The following ROR2 variants were observed in gnomAD, a reference collection of about 807,000 sequenced individuals.
ROR2 encodes the protein tyrosine-protein kinase transmembrane receptor ROR2.
In ROR2, 33 loss-of-function variants were observed where a neutral mutation model predicts 74.9. The observed-to-expected ratio is 0.44, with a 90% CI of 0.33 to 0.59. The LOEUF (loss-of-function observed/expected upper bound fraction) is 0.59. Ranked by LOEUF, ROR2 falls within the 20% of genes least tolerant of loss-of-function variation. The pLI is 0.02. For missense variants in ROR2, 1,216 were observed against 1,313.8 expected, an observed-to-expected ratio of 0.93 and a Z score of 1.15; for synonymous variants, 586 against 558.7, an observed-to-expected ratio of 1.05 and a Z score of -0.69.
chr9:91,829,701 T>C (rs972853561), intron 1 of ROR2, among the ~76,000 whole-genome samples: 1 of 152,180 alleles, frequency 6.6e-6, no homozygotes, highest in Admixed American at 6.5e-5. Context: ...CACAGTCATA[T>C]TCTGGAACTG....
Position 91,757,365 on chromosome 9 carries a change from C to T in ROR2, c.370G>A (p.Asp124Asn), listed in dbSNP as rs779443497. ...TAGCCAGTGTCTGTCGTGTCCAGGT[C>T]CTGGATTCGCAGTCGTGAACCATAT... ...TEYGSRLRIQ[D>N]LDTTDTGYYQ... Residue 124 changes from aspartate to asparagine, a missense_variant, in exon 3 of 9, where the codon GAC becomes AAC. Asp to Asn is a conservative substitution (Grantham distance 23). Transcript: ENST00000375708. 1.2e-6 allele frequency: 2 copies of T among 1,613,892 alleles called. No individual in the cohort carries two copies. The highest frequency in any genetic ancestry group is 2.2e-5 in the South Asian group (2 of 91,048).
chr9:91,868,420 T>C (rs534722449), intron 1 of ROR2, among the ~76,000 whole-genome samples: 1 of 152,226 alleles, frequency 6.6e-6, no homozygotes, highest in Admixed American at 6.5e-5. Flanking sequence ...ACGAAGTGAC[T>C]AAGAACTTTA....
intron 1 of ROR2, among the ~76,000 whole-genome samples, chr9:91,826,633 A>T (rs1820847999): frequency 6.6e-6 from 1 of 152,008 alleles, no homozygotes; most frequent in Non-Finnish European, 1.5e-5. Flanking sequence ...TACAAAAAGA[A>T]ATTAGCCGGG....
intron 1 of ROR2, among the ~76,000 whole-genome samples, chr9:91,898,432 C>T (rs2119423227): frequency 6.6e-6 from 1 of 152,280 alleles, no homozygotes; most frequent in East Asian, 1.9e-4. Context: ...ACCCAAGATA[C>T]TAAATGATCT....
chr9:91,750,212 T>C (rs866066315), intron 4 of ROR2, among the ~76,000 whole-genome samples: 47 of 152,202 alleles, frequency 3.1e-4, no homozygotes, highest in African/African-American at 1.1e-3. Context: ...GAAAAACACA[T>C]ATCCTAACAG....
chr9:91,839,275 T>C (rs935029140), intron 1 of ROR2, among the ~76,000 whole-genome samples: 16 of 145,968 alleles, frequency 1.1e-4, no homozygotes, highest in African/African-American at 3.1e-4. Context: ...TGTGTGTGTG[T>C]GTGTGTGTGT....
intron 1 of ROR2, among the ~76,000 whole-genome samples, chr9:91,900,661 T>A (rs956081998): frequency 1.3e-5 from 2 of 152,152 alleles, no homozygotes; most frequent in Admixed American, 1.3e-4. Context: ...GTCGGTTCCA[T>A]GGACTGGGGG....
Position 91,805,812 on chromosome 9 carries a change from G to A in ROR2, c.98-29994C>T, listed in dbSNP as rs560957570. The stretch of plus-strand genomic sequence containing the variant: ...GAAATTCCACTCAAAAATGTCCAGC[G>A]AGATTGCATTCCTTCACCAACACTG... On this transcript the variant is annotated intron_variant, in intron 1 of 8. Transcript: ENST00000375708. Among the ~76,000 whole-genome samples the A allele has an allele frequency of 5.3e-5, 8 of 152,286 alleles. 1 individual carries two copies. Among genetic ancestry groups the A allele is most frequent in the African/African-American group, 1.7e-4 (7 of 41,546 alleles).
At chr9:91,757,682 G>A (rs1825803705) in intron 2 of ROR2, 123 bp from the exon 3 acceptor site, 3 of 1,014,670 alleles carry the variant, frequency 3.0e-6, no homozygotes, top group Non-Finnish European at 3.0e-6. Flanking sequence ...TACTAAAATA[G>A]GTTGTTATCT....
chr9:91,725,058 A>T lies in ROR2; in HGVS notation c.1436T>A (p.Leu479Gln). 1.2e-6 allele frequency: 2 copies of T among 1,614,042 alleles called. No individual in the cohort carries two copies. The highest frequency in any genetic ancestry group is 1.7e-6 in the Non-Finnish European group (2 of 1,180,032). The change falls in exon 9 of 9, where the codon CTG becomes CAG. Residue 479 changes from leucine to glutamine, a missense_variant. Transcript: ENST00000375708. ...SLSAVRFMEE[L>Q]GEDRFGKVYK... ...GACTTTCCCAAACCGGTCCTCTCCC[A>T]GCTCCTCCATGAACCTCACCGCAGA...
chr9:91,741,153 A>G (rs1317876772), intron 4 of ROR2, among the ~76,000 whole-genome samples: 1 of 151,844 alleles, frequency 6.6e-6, no homozygotes, highest in Non-Finnish European at 1.5e-5. Flanking sequence ...ACAAACAATT[A>G]GCCGGGTGTG....
intron 1 of ROR2, among the ~76,000 whole-genome samples, chr9:91,949,603 A>G (rs1832113292): frequency 6.6e-6 from 1 of 151,722 alleles, no homozygotes; most frequent in Non-Finnish European, 1.5e-5. Context: ...AGCGCCACCG[A>G]GAGGCTCCCA....
At position 91,762,584 on chromosome 9, in the gene ROR2, C is replaced by A. The variant is rs1166621100; in HGVS notation, c.176-5025G>T. On this transcript the variant is annotated intron_variant, in intron 2 of 8. Coordinates refer to ENST00000375708, the MANE Select transcript of ROR2 (RefSeq NM_004560.4). ...TTGACATTAATTTTCCCATATTTCA[C>A]TTTGAACACTTAAAAAAAATTCTAG... is the stretch of plus-strand genomic sequence containing the variant. 2.0e-5 allele frequency among the ~76,000 whole-genome samples: 3 copies of A among 152,286 alleles called. No homozygotes were observed. In the East Asian group the frequency reaches 5.8e-4, roughly 29 times the overall value.
chr9:91,852,624 A>ACAC lies in ROR2; in HGVS notation c.98-76807_98-76806insGTG, dbSNP rs1829133234. ...GTTACAAATAAATGGAAAACACACAAACACACACACACACACACACACACA... is the reference window on the plus strand; with the variant it reads ...GTTACAAATAAATGGAAAACACACAACACACACACACACACACACACACACACA... On this transcript the variant is annotated intron_variant, in intron 1 of 8. Coordinates refer to ENST00000375708, the MANE Select transcript of ROR2 (RefSeq NM_004560.4). Among the ~76,000 whole-genome samples the ACAC allele has an allele frequency of 8.6e-4, 106 of 123,910 alleles. 1 individual carries two copies. Among genetic ancestry groups the ACAC allele is most frequent in the East Asian group, 7.4e-3 (32 of 4,350 alleles). 81.3% of individuals were successfully genotyped at this position (123,910 alleles called of 152,430 possible).
chr9:91,778,974 ATCT>A (rs1826514904), intron 1 of ROR2, among the ~76,000 whole-genome samples: 1 of 152,210 alleles, frequency 6.6e-6, no homozygotes, highest in Admixed American at 6.5e-5. Context: ...CACATTCAAT[ATCT>A]AGTTTTATCC....
chr9:91,821,611 CCT>C (rs1351711019), intron 1 of ROR2, among the ~76,000 whole-genome samples: 1 of 152,192 alleles, frequency 6.6e-6, no homozygotes, highest in Non-Finnish European at 1.5e-5. Flanking sequence ...ACTTACTCCC[CCT>C]GTCCTCGTTC....
At chr9:91,848,764 G>GAAA (rs36044426) in intron 1 of ROR2, among the ~76,000 whole-genome samples, 1,039 of 103,550 alleles carry the variant, frequency 0.01, 19 homozygotes, top group African/African-American at 0.034. Flanking sequence ...CAGGGGGGAA[G>GAAA]AAAAAAAAAA....
rs557927892 is a variant in ROR2, at chr9:91,807,207, G to A, written c.98-31389C>T. Among the ~76,000 whole-genome samples the A allele has an allele frequency of 4.9e-4, 74 of 152,268 alleles. 1 individual carries two copies. The highest frequency in any genetic ancestry group is 1.8e-3 in the African/African-American group (73 of 41,566). On this transcript the variant is annotated intron_variant, in intron 1 of 8. Coordinates refer to ENST00000375708, the MANE Select transcript of ROR2 (RefSeq NM_004560.4). ...ATCACATTTTGACATGGTTGTCCAC[G>A]CTGCAGCCTGGACAACCAATGAAGC...
intron 1 of ROR2, among the ~76,000 whole-genome samples, chr9:91,783,854 A>G (rs889798759): frequency 5.9e-5 from 9 of 151,922 alleles, no homozygotes; most frequent in Non-Finnish European, 8.8e-5. Flanking sequence ...TCCCCACTCC[A>G]CTGCCCACGT....
Sources: gnomAD v4.1 joint callset for allele counts (sites outside exome capture counted in the v4.1 genomes callset) on GRCh38, gnomAD v4.1.1 for gene constraint, MANE v1.5 for transcripts, NCBI Gene and HGNC (gene_info 2026-07-23, HGNC 2026-07-21) for gene names.